The following MAP3K10 variants were observed in gnomAD, a reference collection of about 807,000 sequenced individuals.
MAP3K10 encodes mitogen-activated protein kinase kinase kinase 10.
Under a neutral mutation model 75.0 loss-of-function variants are expected in MAP3K10, and 22 were observed. That is an observed-to-expected ratio of 0.29 (90% CI 0.21 to 0.42). The LOEUF (loss-of-function observed/expected upper bound fraction) is 0.42. Ranked by LOEUF, MAP3K10 falls within the 10% of genes least tolerant of loss-of-function variation. The pLI, the probability that MAP3K10 is intolerant of heterozygous loss-of-function variation, is 1.00. For synonymous variants in MAP3K10, 599 were observed against 612.9 expected (o/e 0.98, Z 0.34); for missense variants, 1,165 against 1,379.8 (o/e 0.84, Z 2.47).
chr19:40,214,003 C>T lies in MAP3K10; in HGVS notation c.2324C>T (p.Ser775Phe). The T allele has an allele frequency of 2.1e-6, 3 of 1,439,936 alleles. No individual in the cohort carries two copies. The highest frequency in any genetic ancestry group is 2.2e-5 in the Admixed American group (1 of 46,266). The allele number at this position is 1,439,936 out of a possible 1,614,324, so 89.2% of individuals were successfully genotyped here. The change falls in exon 9 of 10, where the codon TCC becomes TTC. Residue 775 changes from serine to phenylalanine, a missense_variant. Coordinates refer to ENST00000253055, the MANE Select transcript of MAP3K10 (RefSeq NM_002446.4). Reference protein sequence around the residue: ...DSDEAAPAAPSPPPSPPAPTP... With the variant: ...DSDEAAPAAPFPPPSPPAPTP... The stretch of plus-strand genomic sequence containing the variant: ...GACGAGGCCGCACCGGCCGCGCCCT[C>T]CCCACCACCCTCCCCGCCCGCGCCC...
At position 40,205,454 on chromosome 19, in the gene MAP3K10, T is replaced by C; in HGVS notation, c.1188+158T>C. 1 of 726,222 alleles carries C rather than the reference T, an allele frequency of 1.4e-6. No individual in the cohort carries two copies. Among genetic ancestry groups the C allele is most frequent in the South Asian group, 2.0e-5 (1 of 50,886 alleles). The allele number at this position is 726,222 out of a possible 1,614,324, so 45.0% of individuals were successfully genotyped here. A position where few individuals can be genotyped will look rare whatever the true frequency, so the allele number is the denominator to read the frequency against. On this transcript the variant is annotated intron_variant, in intron 4 of 9. Coordinates refer to ENST00000253055, the MANE Select transcript of MAP3K10 (RefSeq NM_002446.4). This position sits in a 1 kb window ranked among gnomAD's most constrained non-coding sequence, Gnocchi z 4.3. Reference sequence around the variant, plus strand: ...TTAAGAAAAGACAGCCTCCTGTTGGTGGATTAATAAGAAAAAGGCACCCTG... The same window carrying C: ...TTAAGAAAAGACAGCCTCCTGTTGGCGGATTAATAAGAAAAAGGCACCCTG...
At position 40,204,442 on chromosome 19, in the gene MAP3K10, G is replaced by T. The variant is rs148710307; in HGVS notation, c.864-43G>T. The T allele has an allele frequency of 5.5e-4, 872 of 1,593,762 alleles. 2 individuals carry two copies. The African/African-American group carries it at 0.011, about 19-fold the overall frequency. On this transcript the variant is annotated intron_variant, in intron 2 of 9. Transcript: ENST00000253055. The surrounding 1 kb of genome is among the most constrained non-coding windows in gnomAD (Gnocchi z 4.3). ...GCAGGGCTGGGTATAGGTGAGGATT[G>T]GGGTGGGCTGCGACATCACCCCTCC...
rs113056268 is a variant in MAP3K10 at position 40,202,242 on chromosome 19, G to T, written c.864-2243G>T. On this transcript the variant is annotated intron_variant, in intron 2 of 9. Transcript: ENST00000253055. ...TTTTTAGTAGAGACGGGGTTTCACC[G>T]TGCTAGCCAGGATGGTCTCAATCTC... Among the ~76,000 whole-genome samples, 326 of 152,132 alleles carry T rather than the reference G, an allele frequency of 2.1e-3. 1 individual carries two copies. The highest frequency in any genetic ancestry group is 7.6e-3 in the African/African-American group (317 of 41,506).
chr19:40,205,987 G>T lies in MAP3K10; in HGVS notation c.1265G>T (p.Arg422Leu). The change falls in exon 5 of 10, where the codon CGG (arginine) becomes CTG (leucine). Residue 422 changes from arginine (R) to leucine (L), a missense_variant. Physicochemically the swap from Arg to Leu is moderately radical, Grantham distance 102. Coordinates refer to ENST00000253055, the MANE Select transcript of MAP3K10 (RefSeq NM_002446.4). The surrounding 1 kb of genome is among the most constrained non-coding windows in gnomAD (Gnocchi z 4.3). Reference protein sequence around the residue: ...QRFQEEQLRRREQELAEREMD... With the variant: ...QRFQEEQLRRLEQELAEREMD... ...TTCCAGGAGGAGCAGCTGCGGCGGC[G>T]GGAGCAGGAGCTGGCAGAACGTGAG... 6.2e-7 allele frequency: 1 copy of T among 1,611,178 alleles called. No homozygotes were observed. Among genetic ancestry groups the T allele is most frequent in the Non-Finnish European group, 8.5e-7 (1 of 1,178,568 alleles).
intron 1 of MAP3K10, among the ~76,000 whole-genome samples, chr19:40,193,113 A>G (rs966143938): frequency 6.6e-6 from 1 of 152,170 alleles, no homozygotes; most frequent in Non-Finnish European, 1.5e-5. Flanking sequence ...CCCCAGCACT[A>G]TTGGCACTTG....
intron 5 of MAP3K10, among the ~76,000 whole-genome samples, chr19:40,208,885 C>T (rs1973183923): frequency 1.3e-5 from 2 of 152,096 alleles, no homozygotes; most frequent in Admixed American, 6.6e-5. Context: ...CCCCAACTTG[C>T]TGATTCAGGG....
chr19:40,208,345 C>CTTTCTTTTTTTTTT (rs1555756622), intron 5 of MAP3K10, among the ~76,000 whole-genome samples: 121 of 55,888 alleles, frequency 2.2e-3, no homozygotes, highest in Admixed American at 3.4e-3. Context: ...CTCTTTCTTT[C>CTTTCTTTTTTTTTT]TTTTTTTTTT....
chr19:40,215,359 C>T lies in MAP3K10; in HGVS notation c.*67C>T, dbSNP rs1163793348. On this transcript the variant is annotated 3_prime_UTR_variant, in exon 10 of 10. Coordinates refer to ENST00000253055, the MANE Select transcript of MAP3K10 (RefSeq NM_002446.4). Reference sequence around the variant, plus strand: ...CGCCCCAGGCCCTGCCCCAGCCCGCCATGCCACAAGGTGGGGGAGGCCCTG... The same window carrying T: ...CGCCCCAGGCCCTGCCCCAGCCCGCTATGCCACAAGGTGGGGGAGGCCCTG... The T allele has an allele frequency of 1.7e-5, 24 of 1,420,138 alleles. No homozygotes were observed. The highest frequency in any genetic ancestry group is 2.9e-5 in the African/African-American group (2 of 70,050). The allele number at this position is 1,420,138 out of a possible 1,614,324, so 88.0% of individuals were successfully genotyped here.
rs745642269 is a variant in MAP3K10, at chr19:40,198,494, G to A, written c.802G>A (p.Ala268Thr). The A allele has an allele frequency of 1.2e-6, 2 of 1,614,094 alleles. No individual in the cohort carries two copies. Among genetic ancestry groups the A allele is most frequent in the Non-Finnish European group, 8.5e-7 (1 of 1,179,994 alleles). Reference sequence around the variant, plus strand: ...CAAGATGAGCGCTGCGGGGACCTACGCCTGGATGGCGCCGGAGGTTATCCG... The same window carrying A: ...CAAGATGAGCGCTGCGGGGACCTACACCTGGATGGCGCCGGAGGTTATCCG... ...TTKMSAAGTYAWMAPEVIRLS... is the reference protein window; with the variant it reads ...TTKMSAAGTYTWMAPEVIRLS... Residue 268 changes from alanine (A) to threonine (T), a missense_variant, in exon 2 of 10, where the codon GCC (alanine) becomes ACC (threonine). Physicochemically the swap from Ala to Thr is moderately conservative, Grantham distance 58. Around this residue, in one of 2 missense-constraint regions of MAP3K10, gnomAD observed 575 missense variants for 793.2 expected, o/e 0.72. Transcript: ENST00000253055. The surrounding 1 kb of genome is among the most constrained non-coding windows in gnomAD (Gnocchi z 4.3).
At position 40,205,768 on chromosome 19, in the gene MAP3K10, G is replaced by A; in HGVS notation, c.1189-143G>A. The A allele has an allele frequency of 1.1e-6, 1 of 890,274 alleles. No homozygotes were observed. 55.1% of individuals were successfully genotyped at this position (890,274 alleles called of 1,614,324 possible). ...CCTGGCACCCAGCTTGGCTAGCAAAGCATGAGTCGGGTGGTGAAACCAGTG... is the reference window on the plus strand; with the variant it reads ...CCTGGCACCCAGCTTGGCTAGCAAAACATGAGTCGGGTGGTGAAACCAGTG... On this transcript the variant is annotated intron_variant, in intron 4 of 9. Coordinates refer to ENST00000253055, the MANE Select transcript of MAP3K10 (RefSeq NM_002446.4). The surrounding 1 kb of genome is among the most constrained non-coding windows in gnomAD (Gnocchi z 4.3).
intron 5 of MAP3K10, among the ~76,000 whole-genome samples, chr19:40,208,811 G>A (rs1973182595): frequency 6.6e-6 from 1 of 152,004 alleles, no homozygotes; most frequent in Non-Finnish European, 1.5e-5. Context: ...TGAGGCCTAG[G>A]TCCTTGATCC....
rs1599918052 is a variant in MAP3K10 at position 40,213,573 on chromosome 19, A to C, written c.1894A>C (p.Thr632Pro). 1 of 1,607,170 alleles carries C rather than the reference A, an allele frequency of 6.2e-7. No homozygotes were observed. Among genetic ancestry groups the C allele is most frequent in the South Asian group, 1.1e-5 (1 of 90,732 alleles). The change falls in exon 9 of 10, where the codon ACC (threonine) becomes CCC (proline). Residue 632 changes from threonine to proline, a missense_variant. By Grantham distance (38) the Thr-to-Pro change is conservative. Transcript: ENST00000253055. This position sits in a 1 kb window ranked among gnomAD's most constrained non-coding sequence, Gnocchi z 5.7. ...CAGCGTGCCCCCTTCCCCCTACTCG[A>C]CCCCGTCCTACCTCTCAGTGCCACT... ...GSSVPPSPYSTPSYLSVPLPA... is the reference protein window; with the variant it reads ...GSSVPPSPYSPPSYLSVPLPA...
In MAP3K10 at chr19:40,213,345, C is replaced by T; in HGVS notation, c.1837+157C>T. 3 of 1,449,522 alleles carry T rather than the reference C, an allele frequency of 2.1e-6. No individual in the cohort carries two copies. The highest frequency in any genetic ancestry group is 2.7e-6 in the Non-Finnish European group (3 of 1,106,072). The allele number at this position is 1,449,522 out of a possible 1,614,324, so 89.8% of individuals were successfully genotyped here. ...CCCCTGGGGCGTGGGGGGTCATTTCCAGGGGCAGGGACCACCCTTCTCTGA... is the reference window on the plus strand; with the variant it reads ...CCCCTGGGGCGTGGGGGGTCATTTCTAGGGGCAGGGACCACCCTTCTCTGA... On this transcript the variant is annotated intron_variant, in intron 8 of 9. Transcript: ENST00000253055. The surrounding 1 kb of genome is among the most constrained non-coding windows in gnomAD (Gnocchi z 5.7).
At chr19:40,195,735 T>C (rs552136242) in intron 1 of MAP3K10, among the ~76,000 whole-genome samples, 6 of 152,240 alleles carry the variant, frequency 3.9e-5, no homozygotes, top group South Asian at 2.1e-4. Context: ...CCTCAGGTGA[T>C]CCGCCTGCCT....
rs534949042 is a variant in MAP3K10, at chr19:40,204,753, C to G, written c.1012+120C>G. 1.3e-3 allele frequency: 1,495 copies of G among 1,190,912 alleles called. 4 individuals carry two copies. Among genetic ancestry groups the G allele is most frequent in the Non-Finnish European group, 1.6e-3 (1,392 of 869,644 alleles). 73.8% of individuals were successfully genotyped at this position (1,190,912 alleles called of 1,614,324 possible). On this transcript the variant is annotated intron_variant, in intron 3 of 9. Coordinates refer to ENST00000253055, the MANE Select transcript of MAP3K10 (RefSeq NM_002446.4). The surrounding 1 kb of genome is among the most constrained non-coding windows in gnomAD (Gnocchi z 4.3). The stretch of plus-strand genomic sequence containing the variant: ...GGGCCCAGGAGTGAGGAAGAAGGGG[C>G]TGGAACCCACTGGACTCTAAACAGC...
intron 1 of MAP3K10, among the ~76,000 whole-genome samples, chr19:40,194,931 G>A (rs1488408662): frequency 1.3e-5 from 2 of 152,204 alleles, no homozygotes; most frequent in African/African-American, 4.8e-5. Context: ...GGCAAAGGCT[G>A]GAGCAGAGGG....
chr19:40,211,752 C>A (rs976979661), intron 6 of MAP3K10, among the ~76,000 whole-genome samples: 1 of 152,124 alleles, frequency 6.6e-6, no homozygotes, highest in Non-Finnish European at 1.5e-5. Flanking sequence ...GAGACAGACG[C>A]TCGCTCTGTC....
chr19:40,207,767 A>G (rs566241132), intron 5 of MAP3K10, among the ~76,000 whole-genome samples: 3 of 152,328 alleles, frequency 2.0e-5, no homozygotes, highest in East Asian at 3.9e-4. Flanking sequence ...ATTTAGCCCA[A>G]TATATCCATG....
intron 5 of MAP3K10, chr19:40,206,391 C>T: frequency 2.4e-6 from 1 of 416,724 alleles, no homozygotes; most frequent in Non-Finnish European, 4.1e-6. Context: ...CAACATAGAC[C>T]CCATATTTAC....
Sources: allele counts gnomAD v4.1 joint callset (sites outside exome capture counted in the v4.1 genomes callset), GRCh38; gene constraint gnomAD v4.1.1; regional missense constraint gnomAD v4.1.1; non-coding constraint Gnocchi (gnomAD v3.1); transcripts MANE v1.5; gene names NCBI Gene and HGNC (gene_info 2026-07-23, HGNC 2026-07-21).